MTCL1: variants seen among roughly 807,000 people sequenced by gnomAD.
MTCL1 encodes the protein microtubule cross-linking factor 1.
In MTCL1, 79 loss-of-function variants were observed where a neutral mutation model predicts 141.4. The ratio of observed to expected loss-of-function variants is 0.56; its 90% CI spans 0.47 to 0.67. The LOEUF (loss-of-function observed/expected upper bound fraction) is 0.67, where lower values mean the gene tolerates loss of function less well. Among genes scored for constraint, MTCL1 ranks in the 30% least tolerant of loss-of-function variants. The pLI is 0.00. For synonymous variants in MTCL1, 914 were observed against 875.8 expected (o/e 1.04, Z -0.77); for missense variants, 2,177 against 2,113.9 (o/e 1.03, Z -0.59).
rs936916375 is a variant in MTCL1 at position 8,785,884 on chromosome 18, G to T, written c.1732-52G>T. The T allele has an allele frequency of 8.6e-6, 13 of 1,515,744 alleles. No individual in the cohort carries two copies. The Admixed American group carries it at 8.9e-5, about 10-fold the overall frequency. The allele number at this position is 1,515,744 out of a possible 1,614,324, so 93.9% of individuals were successfully genotyped here. On this transcript the variant is annotated intron_variant, in intron 6 of 16. Transcript: ENST00000359865. Reference sequence around the variant, plus strand: ...TTGTCCTTTGTTTGTTTGTTTTTTTGTTTAAAATTTTAAAGAACAACAACA... The same window carrying T: ...TTGTCCTTTGTTTGTTTGTTTTTTTTTTTAAAATTTTAAAGAACAACAACA...
chr18:8,705,795 C>A lies in MTCL1; in HGVS notation c.135C>A (p.Ala45=). ...GGCTGCACCGTGCGCCCTCGCCCGC[C>A]AGACCCTTCCTCAAGGACCTGCACG... The change falls in exon 1 of 14, where the codon GCC becomes GCA. Residue 45 remains alanine, a synonymous_variant. Coordinates refer to the MTCL1 transcript ENST00000306329. The surrounding 1 kb of genome is among the most constrained non-coding windows in gnomAD (Gnocchi z 5.2). The A allele has an allele frequency of 8.4e-7, 1 of 1,194,512 alleles. No individual in the cohort carries two copies. The highest frequency in any genetic ancestry group is 3.4e-5 in the East Asian group (1 of 29,018). 74.0% of individuals were successfully genotyped at this position (1,194,512 alleles called of 1,614,324 possible).
chr18:8,728,720 C>CT (rs34524200), intron 4 of MTCL1, among the ~76,000 whole-genome samples: 3,176 of 58,998 alleles, frequency 0.054, 977 homozygotes, highest in East Asian at 0.068. Context: ...GTTGTCCATT[C>CT]TTTTTTTTTT....
intron 4 of MTCL1, among the ~76,000 whole-genome samples, chr18:8,776,230 G>A (rs1168956403): frequency 6.6e-6 from 1 of 152,192 alleles, no homozygotes; most frequent in Non-Finnish European, 1.5e-5. Flanking sequence ...GGCTTGCCTT[G>A]ACAGGTCTGG....
chr18:8,778,676 A>C (rs958881952), intron 5 of MTCL1, among the ~76,000 whole-genome samples: 13 of 152,338 alleles, frequency 8.5e-5, no homozygotes, highest in African/African-American at 2.9e-4. Context: ...AGGCCCCTGC[A>C]GCAGCAGAAA....
chr18:8,816,504 T>A (rs1026236196), intron 12 of MTCL1, among the ~76,000 whole-genome samples: 2 of 152,214 alleles, frequency 1.3e-5, no homozygotes, highest in Non-Finnish European at 2.9e-5. Flanking sequence ...AATCCAAGTT[T>A]GATTGCGGGG....
At chr18:8,709,563 GAACT>G (rs1471971123) in intron 1 of MTCL1, among the ~76,000 whole-genome samples, 1 of 152,138 alleles carries the variant, frequency 6.6e-6, no homozygotes, top group African/African-American at 2.4e-5. Context: ...GCACTGCACA[GAACT>G]AACTCTCAGG....
intron 1 of MTCL1, among the ~76,000 whole-genome samples, chr18:8,712,202 T>G (rs1435105407): frequency 6.6e-6 from 1 of 152,208 alleles, no homozygotes; most frequent in African/African-American, 2.4e-5. Context: ...ATAGGAAATA[T>G]TTTTCTGTTA....
At position 8,829,602 on chromosome 18, in the gene MTCL1, A is replaced by C. The variant is rs577699919; in HGVS notation, c.*18+638A>C. On this transcript the variant is annotated intron_variant, in intron 16 of 16. Coordinates refer to ENST00000359865, the Ensembl canonical transcript of MTCL1. The stretch of plus-strand genomic sequence containing the variant: ...GCTTTCAGAGTCTGAGTCAAAGCAC[A>C]TGAGAAAAGATATACTTTTTGATCA... The C allele has an allele frequency of 3.7e-5, 36 of 985,406 alleles. 1 individual carries two copies. The South Asian group carries it at 1.3e-3, about 35-fold the overall frequency. 61.0% of individuals were successfully genotyped at this position (985,406 alleles called of 1,614,324 possible). A position where few individuals can be genotyped will look rare whatever the true frequency, so the allele number is the denominator to read the frequency against.
At position 8,754,360 on chromosome 18, in the gene MTCL1, C is replaced by T. The variant is rs548681818; in HGVS notation, c.358-23473C>T. The stretch of plus-strand genomic sequence containing the variant: ...TGCTGGGATTACAGGCGTGAGCCAC[C>T]GCGCCTGGCCTCTCCTTTATTTTTA... On this transcript the variant is annotated intron_variant, in intron 4 of 16. Transcript: ENST00000359865. 3.5e-4 allele frequency among the ~76,000 whole-genome samples: 54 copies of T among 152,292 alleles called. No homozygotes were observed. In the South Asian group the frequency reaches 0.011, roughly 31 times the overall value.
chr18:8,786,329 A>C, intron 7 of MTCL1: 1 of 692,346 alleles, frequency 1.4e-6, no homozygotes, highest in Non-Finnish European at 2.6e-6. Context: ...CACTGTAGGC[A>C]CTGTCCACCT....
intron 4 of MTCL1, among the ~76,000 whole-genome samples, chr18:8,773,633 C>T (rs2096493527): frequency 6.6e-6 from 1 of 152,104 alleles, no homozygotes; most frequent in South Asian, 2.1e-4. Flanking sequence ...GAACACACAT[C>T]AATTCATCTT....
rs1469237887 is a variant in MTCL1, at chr18:8,779,076, C to G, written c.417+1184C>G. On this transcript the variant is annotated intron_variant, in intron 5 of 16. Coordinates refer to ENST00000359865, the Ensembl canonical transcript of MTCL1. This position sits in a 1 kb window ranked among gnomAD's most constrained non-coding sequence, Gnocchi z 4.1. ...CGCCCTGGGAACTGCAGGCCCGCAA[C>G]CAAAACCCAAAGGAAGCTGGCGCCC... Among the ~76,000 whole-genome samples the G allele has an allele frequency of 1.3e-5, 2 of 152,234 alleles. No homozygotes were observed. The highest frequency in any genetic ancestry group is 4.8e-5 in the African/African-American group (2 of 41,464).
intron 4 of MTCL1, among the ~76,000 whole-genome samples, chr18:8,762,227 T>C (rs2096435861): frequency 6.6e-6 from 1 of 152,240 alleles, no homozygotes; most frequent in African/African-American, 2.4e-5. Context: ...AAGAGAAGTT[T>C]CAAGGACACC....
rs751064123 is a variant in MTCL1 at position 8,831,781 on chromosome 18, G to A, written c.*193G>A. 17 of 1,549,806 alleles carry A rather than the reference G, an allele frequency of 1.1e-5. No homozygotes were observed. The South Asian group carries it at 1.7e-4, about 15-fold the overall frequency. ...GGAGCATGGTGGCGAGGAGCCGCCC[G>A]AGGAGCAGCCACACCGAGATGCAAG... is the stretch of plus-strand genomic sequence containing the variant. On this transcript the variant is annotated 3_prime_UTR_variant, in exon 17 of 17. Transcript: ENST00000359865.
At chr18:8,751,046 G>T (rs1310070140) in intron 4 of MTCL1, among the ~76,000 whole-genome samples, 3 of 152,214 alleles carry the variant, frequency 2.0e-5, no homozygotes, top group Non-Finnish European at 4.4e-5. Flanking sequence ...GCCCTGGGCA[G>T]CGGGCCCCCA....
chr18:8,814,311 C>G (rs1299953897), intron 12 of MTCL1, among the ~76,000 whole-genome samples: 2 of 151,972 alleles, frequency 1.3e-5, no homozygotes, highest in Admixed American at 1.3e-4. Flanking sequence ...CCACTGCATT[C>G]CAGCCTGGGC....
intron 4 of MTCL1, among the ~76,000 whole-genome samples, chr18:8,748,778 G>A (rs1358151210): frequency 6.6e-6 from 1 of 152,018 alleles, no homozygotes; most frequent in East Asian, 1.9e-4. Context: ...TCTGTCTTTC[G>A]GGATGAAGTC....
At chr18:8,709,689 C>G (rs1317685277) in intron 1 of MTCL1, among the ~76,000 whole-genome samples, 1 of 152,104 alleles carries the variant, frequency 6.6e-6, no homozygotes, top group African/African-American at 2.4e-5. Context: ...CATTGTTGTA[C>G]AAGACTGTGA....
At chr18:8,713,933 A>G (rs2096110232), upstream of MTCL1, among the ~76,000 whole-genome samples, 1 of 151,852 alleles carries the variant, frequency 6.6e-6, no homozygotes, top group East Asian at 1.9e-4. Flanking sequence ...ACAGAGTGAG[A>G]CTCTGTCTCT....
Sources: allele counts gnomAD v4.1 joint callset (sites outside exome capture counted in the v4.1 genomes callset), GRCh38; gene constraint gnomAD v4.1.1; non-coding constraint Gnocchi (gnomAD v3.1); transcripts MANE v1.5; gene names NCBI Gene and HGNC (gene_info 2026-07-23, HGNC 2026-07-21).